The following MYH3 variants were observed in gnomAD, a reference collection of about 807,000 sequenced individuals.
MYH3 encodes the protein myosin heavy chain 3, also known as myosin-3.
MYH3 carries 130 observed loss-of-function variants against 238.0 expected under a neutral mutation model. The observed-to-expected ratio is 0.55, with a 90% CI of 0.47 to 0.63. The LOEUF is 0.63. MYH3 is among the 30% of genes least tolerant of loss of function. The pLI is 0.00. For missense variants in MYH3, 1,853 were observed against 2,374.9 expected, an observed-to-expected ratio of 0.78 and a Z score of 4.57; for synonymous variants, 880 against 924.1, an observed-to-expected ratio of 0.95 and a Z score of 0.86.
At chr17:10,635,640 T>A (rs2074207457) in intron 29 of MYH3, 77 bp from the exon 30 acceptor site, 1 of 1,613,814 alleles carries the variant, frequency 6.2e-7, no homozygotes, top group East Asian at 2.2e-5. Context: ...GTGTCCCTTC[T>A]ATCACCACCT....
At chr17:10,635,938 G>C (rs900396774) in intron 28 of MYH3, 85 bp from the exon 29 acceptor site, 18 of 1,104,588 alleles carry the variant, frequency 1.6e-5, no homozygotes, top group Non-Finnish European at 2.5e-5. Context: ...ACTGTGCTAA[G>C]ATCTGGGGAG....
chr17:10,640,730 C>A, intron 19 of MYH3, 44 bp from the exon 20 acceptor site: 2 of 1,606,474 alleles, frequency 1.2e-6, no homozygotes, highest in Non-Finnish European at 1.7e-6. Context: ...TTGGCAAAGA[C>A]ACAAACCTTG....
At chr17:10,645,585 A>T in intron 12 of MYH3, 122 bp downstream of exon 12, 2 of 1,289,258 alleles carry the variant, frequency 1.6e-6, no homozygotes, top group Non-Finnish European at 2.2e-6. Flanking sequence ...AGCCTCCCAA[A>T]GTGCTGGGAT....
At chr17:10,667,381 C>A in the MYH3 span, among the ~76,000 whole-genome samples, 1 of 152,056 alleles carries the variant, frequency 6.6e-6, no homozygotes, top group African/African-American at 2.4e-5. Flanking sequence ...ATGTTATGCA[C>A]CCTTAAAAAA....
chr17:10,649,043 G>T (rs2074350464), intron 7 of MYH3, among the ~76,000 whole-genome samples: 1 of 152,074 alleles, frequency 6.6e-6, no homozygotes, highest in African/African-American at 2.4e-5. Flanking sequence ...ACTCTGGCTT[G>T]CCCTGATAAA....
chr17:10,659,637 G>A (rs559145680), upstream of MYH3, among the ~76,000 whole-genome samples: 15 of 152,324 alleles, frequency 9.8e-5, no homozygotes, highest in Middle Eastern at 3.4e-3. Context: ...AGGAAGACAC[G>A]TTCCCCCAGA....
At position 10,631,677 on chromosome 17, in the gene MYH3, ACT is replaced by A; in HGVS notation, c.5218_5219del (p.Ser1740Ter). On this transcript the variant is annotated frameshift_variant, in exon 36 of 41. Transcript: ENST00000583535. LOFTEE classifies it high-confidence loss of function. Reference sequence around the variant, plus strand: ...CATCCCTGCTGGCATCTTCTACCTCACTCTGGAGCTGCATGAGGTCTGTCTCC... The same window carrying A: ...CATCCCTGCTGGCATCTTCTACCTCACTGGAGCTGCATGAGGTCTGTCTCC... ...KLETDLMQLQ[S>X]EVEDASRDAR... 1 of 1,612,986 alleles carries A rather than the reference ACT, an allele frequency of 6.2e-7. No homozygotes were observed.
the MYH3 span, among the ~76,000 whole-genome samples, chr17:10,670,950 C>T: frequency 1.3e-4 from 20 of 152,040 alleles, no homozygotes; most frequent in Non-Finnish European, 2.1e-4. The surrounding 1 kb of genome is among the most constrained non-coding windows in gnomAD (Gnocchi z 7.0). Flanking sequence ...AGTGCAGTGG[C>T]GCGATCTTGG....
At chr17:10,633,030 A>G (rs2074180610) in intron 33 of MYH3, among the ~76,000 whole-genome samples, 1 of 152,146 alleles carries the variant, frequency 6.6e-6, no homozygotes, top group Non-Finnish European at 1.5e-5. Context: ...TGACCAATGT[A>G]GTGAAACCCT....
chr17:10,631,838 T>C lies in MYH3; in HGVS notation c.5135A>G (p.Glu1712Gly). The C allele has an allele frequency of 6.2e-7, 1 of 1,614,104 alleles. No homozygotes were observed. The change falls in exon 35 of 41, where the codon GAG (glutamate) becomes GGG (glycine). Residue 1712 changes from glutamate to glycine, a missense_variant. Around this residue, in one of 3 missense-constraint regions of MYH3, gnomAD observed 1,044 missense variants for 1,192.6 expected, o/e 0.88. Transcript: ENST00000583535. ...LAEQELLDSN[E>G]RVQLLHTQNT... ...CTGGGTATGCAGCAGCTGCACCCTC[T>C]CGTTGGAGTCCAGGAGCTCCTGTTC...
At position 10,638,942 on chromosome 17, in the gene MYH3, T is replaced by G. The variant is rs144312976; in HGVS notation, c.3270A>C (p.Gln1090His). Reference protein sequence around the residue: ...RLKKKDFEYCQLQSKVEDEQT... With the variant: ...RLKKKDFEYCHLQSKVEDEQT... ...GCTCATCTTCCACTTTGCTTTGAAG[T>G]TGACAATATTCAAAATCTTTCCTGT... Residue 1090 changes from glutamine to histidine, a missense_variant, in exon 26 of 41, where the codon CAA becomes CAC. Physicochemically the swap from Gln to His is conservative, Grantham distance 24. Around this residue, in one of 3 missense-constraint regions of MYH3, gnomAD observed 1,044 missense variants for 1,192.6 expected, o/e 0.88. Transcript: ENST00000583535. The G allele has an allele frequency of 1.2e-6, 2 of 1,614,184 alleles. No homozygotes were observed. The highest frequency in any genetic ancestry group is 8.5e-7 in the Non-Finnish European group (1 of 1,180,022).
intron 10 of MYH3, 27 bp from the exon 11 acceptor site, chr17:10,646,059 T>C (rs1456926683): frequency 6.3e-7 from 1 of 1,597,960 alleles, no homozygotes; most frequent in Non-Finnish European, 8.6e-7. Flanking sequence ...TTCCAGGAGG[T>C]TATGCAGATG....
In MYH3 at chr17:10,654,894, A is replaced by G. The variant is rs754638845; in HGVS notation, c.171T>C (p.Asp57=). The change falls in exon 3 of 41, where the codon GAT becomes GAC. Residue 57 remains aspartate (D), a synonymous_variant. Transcript: ENST00000583535. The surrounding 1 kb of genome is among the most constrained non-coding windows in gnomAD (Gnocchi z 4.5). ...CCTCAGTTTCCACAGTGACCTTCCC[A>G]TCCTGAGAACTCTTGATTTTCCCCT... ...YAKGKIKSSQ[D]GKVTVETEDN... is the part of the protein sequence containing the mutation. The G allele has an allele frequency of 1.9e-6, 3 of 1,614,010 alleles. No homozygotes were observed. In the Admixed American group the frequency reaches 5.0e-5, roughly 27 times the overall value.
chr17:10,652,767 G>A (rs921533800), intron 3 of MYH3, among the ~76,000 whole-genome samples: 8 of 151,682 alleles, frequency 5.3e-5, no homozygotes, highest in Non-Finnish European at 7.4e-5. Context: ...GATTACAGGC[G>A]CCCGCCACCA....
At chr17:10,653,958 C>T (rs1049423937) in intron 3 of MYH3, among the ~76,000 whole-genome samples, 2 of 152,038 alleles carry the variant, frequency 1.3e-5, no homozygotes, top group African/African-American at 4.8e-5. Context: ...CACTGCAGGG[C>T]GGTTCTTATT....
Position 10,632,736 on chromosome 17 carries a change from A to T in MYH3, c.4696T>A (p.Leu1566Met). 1 of 1,614,130 alleles carries T rather than the reference A, an allele frequency of 6.2e-7. No individual in the cohort carries two copies. The highest frequency in any genetic ancestry group is 1.1e-5 in the South Asian group (1 of 91,080). ...EAKILRIQLE[L>M]TQVKSEIDRK... ...TCAATTTCTGATTTCACTTGTGTCA[A>T]TTCAAGCTGGATTCGGAGGATCTTG... The change falls in exon 34 of 41, where the codon TTG (leucine) becomes ATG (methionine). Residue 1566 changes from leucine (L) to methionine (M), a missense_variant. This residue lies in a region of MYH3 where 1,044 missense variants were observed against 1,192.6 expected (regional missense o/e 0.88). Transcript: ENST00000583535.
chr17:10,640,431 CT>C lies in MYH3; in HGVS notation c.2327del (p.Glu776GlyfsTer10). ...FKAGLLGTLE[E>X]MRDDRLAKLI... ...GTTTGGCCAGGCGGTCATCCCGCAT[CT>C]CTTCCAGGGTTCCCAGCAAGCCAGC... On this transcript the variant is annotated frameshift_variant, in exon 21 of 41. Transcript: ENST00000583535. LOFTEE classifies it high-confidence loss of function. 1.2e-6 allele frequency: 2 copies of C among 1,614,236 alleles called. No individual in the cohort carries two copies. The highest frequency in any genetic ancestry group is 1.7e-6 in the Non-Finnish European group (2 of 1,180,044).
At chr17:10,628,982 A>C (rs1475395372) in intron 40 of MYH3, among the ~76,000 whole-genome samples, 1 of 152,144 alleles carries the variant, frequency 6.6e-6, no homozygotes, top group East Asian at 1.9e-4. Flanking sequence ...GGGCGCATGA[A>C]AGAGCTCAGT....
At chr17:10,670,097 G>C in the MYH3 span, among the ~76,000 whole-genome samples, 1 of 152,098 alleles carries the variant, frequency 6.6e-6, no homozygotes. This position sits in a 1 kb window ranked among gnomAD's most constrained non-coding sequence, Gnocchi z 7.0. Context: ...CATTCTCCAG[G>C]GGGAATGTCC....
Sources: allele counts gnomAD v4.1 joint callset (sites outside exome capture counted in the v4.1 genomes callset), GRCh38; gene constraint gnomAD v4.1.1; regional missense constraint gnomAD v4.1.1; non-coding constraint Gnocchi (gnomAD v3.1); transcripts MANE v1.5; gene names NCBI Gene and HGNC (gene_info 2026-07-23, HGNC 2026-07-21).